NCR2: variants seen among roughly 807,000 people sequenced by gnomAD.
NCR2 encodes the protein natural cytotoxicity triggering receptor 2.
Under a neutral mutation model 30.7 loss-of-function variants are expected in NCR2, and 35 were observed. That is an observed-to-expected ratio of 1.14 (90% CI 0.87 to 1.51). The LOEUF (loss-of-function observed/expected upper bound fraction) is 1.51. NCR2 is among the 40% of genes most tolerant of loss of function. The pLI is 0.00. For missense variants in NCR2, 316 were observed against 328.9 expected, an observed-to-expected ratio of 0.96 and a Z score of 0.30; for synonymous variants, 146 against 134.8, an observed-to-expected ratio of 1.08 and a Z score of -0.58.
intron 2 of NCR2, among the ~76,000 whole-genome samples, chr6:41,340,364 G>T (rs1221687958): frequency 6.6e-6 from 1 of 151,884 alleles, no homozygotes; most frequent in Non-Finnish European, 1.5e-5. Context: ...GTCTCACCAT[G>T]TTGGCCAGGC....
chr6:41,340,604 G>A (rs1330504622), intron 2 of NCR2, among the ~76,000 whole-genome samples: 1 of 152,176 alleles, frequency 6.6e-6, no homozygotes, highest in Non-Finnish European at 1.5e-5. Context: ...GAGATGAGAC[G>A]AGTTAACTAA....
Position 41,337,471 on chromosome 6 carries a change from A to G in NCR2, c.394+1043A>G, listed in dbSNP as rs1769062235. Among the ~76,000 whole-genome samples the G allele has an allele frequency of 3.3e-5, 5 of 152,342 alleles. No individual in the cohort carries two copies. The South Asian group carries it at 1.0e-3, about 32-fold the overall frequency. ...TTGCAGTTCTCCATATTAAATGCCA[A>G]TATGCACCCTTCAAACAAACACCCT... On this transcript the variant is annotated intron_variant, in intron 2 of 4. Transcript: ENST00000373089.
chr6:41,336,292 C>T lies in NCR2; in HGVS notation c.258C>T (p.Asp86=). The change falls in exon 2 of 5, where the codon GAC becomes GAT. Residue 86 remains aspartate, a synonymous_variant. Transcript: ENST00000373089. ...CCTCTCGATTCACAATCTGGGACGA[C>T]CCTGATGCTGGCTTCTTCACTGTCA... is the stretch of plus-strand genomic sequence containing the variant. The part of the protein sequence containing the change: ...AWTSRFTIWD[D]PDAGFFTVTM... The T allele has an allele frequency of 6.2e-7, 1 of 1,614,116 alleles. No homozygotes were observed. The highest frequency in any genetic ancestry group is 8.5e-7 in the Non-Finnish European group (1 of 1,180,026).
intron 2 of NCR2, 40 bp from the exon 3 acceptor site, chr6:41,341,754 T>C: frequency 1.3e-6 from 2 of 1,573,284 alleles, no homozygotes; most frequent in Non-Finnish European, 1.7e-6. Flanking sequence ...ACAAGTGAGG[T>C]CTCCCACTCA....
chr6:41,337,872 T>G (rs898108967), intron 2 of NCR2, among the ~76,000 whole-genome samples: 3 of 152,340 alleles, frequency 2.0e-5, no homozygotes, highest in African/African-American at 7.2e-5. Context: ...ATATGGATTC[T>G]AGATCTATGA....
intron 2 of NCR2, among the ~76,000 whole-genome samples, chr6:41,340,347 A>G (rs1035206721): frequency 6.6e-6 from 1 of 151,898 alleles, no homozygotes; most frequent in Non-Finnish European, 1.5e-5. Flanking sequence ...ATTTTAGTAG[A>G]GACGTGGTCT....
Position 41,336,290 on chromosome 6 carries a change from G to A in NCR2, c.256G>A (p.Asp86Asn), listed in dbSNP as rs574138095. 2.5e-6 allele frequency: 4 copies of A among 1,614,100 alleles called. No homozygotes were observed. Among genetic ancestry groups the A allele is most frequent in the East Asian group, 2.2e-5 (1 of 44,878 alleles). ...AWTSRFTIWD[D>N]PDAGFFTVTM... ...GACCTCTCGATTCACAATCTGGGAC[G>A]ACCCTGATGCTGGCTTCTTCACTGT... Residue 86 changes from aspartate to asparagine, a missense_variant, in exon 2 of 5, where the codon GAC becomes AAC. Asp to Asn is a conservative substitution (Grantham distance 23). Transcript: ENST00000373089.
chr6:41,340,836 G>C (rs1769150530), intron 2 of NCR2, among the ~76,000 whole-genome samples: 1 of 152,218 alleles, frequency 6.6e-6, no homozygotes. Flanking sequence ...CAGCATCCTA[G>C]ACAGCCTCAG....
rs748411285 is a variant in NCR2 at position 41,350,726 on chromosome 6, C to T, written c.693C>T (p.Thr231=). ...KTMMELRSLD[T]QKATCHLQQV... is the part of the protein sequence containing the mutation. The stretch of plus-strand genomic sequence containing the variant: ...TGATGGAGCTCAGGAGCCTGGATAC[C>T]CAAAAAGCCACCTGCCACCTTCAAC... The change falls in exon 5 of 5, where the codon ACC becomes ACT. Residue 231 remains threonine (T), a synonymous_variant. Transcript: ENST00000373089. The T allele has an allele frequency of 1.2e-4, 200 of 1,613,954 alleles. 1 individual carries two copies. In the East Asian group the frequency reaches 1.4e-3, roughly 12 times the overall value.
intron 4 of NCR2, chr6:41,343,103 A>G: frequency 1.6e-6 from 2 of 1,274,346 alleles, no homozygotes; most frequent in Non-Finnish European, 2.2e-6. Context: ...ATCCGCAAAG[A>G]AAAGGCCAGG....
chr6:41,340,739 T>C (rs956830338), intron 2 of NCR2, among the ~76,000 whole-genome samples: 2 of 152,158 alleles, frequency 1.3e-5, no homozygotes, highest in African/African-American at 4.8e-5. Flanking sequence ...CACCAGGCCA[T>C]AGATGACACA....
chr6:41,350,658 G>A lies in NCR2; in HGVS notation c.645-20G>A. ...GTGGCAGTCTCTGACCACCTTCCTG[G>A]TTTCCTGCTCTGATTGCAGGGGGGA... On this transcript the variant is annotated intron_variant, in intron 4 of 4. Coordinates refer to ENST00000373089, the MANE Select transcript of NCR2 (RefSeq NM_004828.4). 6.2e-7 allele frequency: 1 copy of A among 1,607,112 alleles called. No individual in the cohort carries two copies. The highest frequency in any genetic ancestry group is 8.5e-7 in the Non-Finnish European group (1 of 1,177,044).
At position 41,342,262 on chromosome 6, in the gene NCR2, C is replaced by T. The variant is rs941954859; in HGVS notation, c.644+113C>T. 11 of 1,402,810 alleles carry T rather than the reference C, an allele frequency of 7.8e-6. No homozygotes were observed. In the African/African-American group the frequency reaches 1.6e-4, roughly 20 times the overall value. 86.9% of individuals were successfully genotyped at this position (1,402,810 alleles called of 1,614,324 possible). A position where few individuals can be genotyped will look rare whatever the true frequency, so the allele number is the denominator to read the frequency against. On this transcript the variant is annotated intron_variant, in intron 4 of 4. Coordinates refer to ENST00000373089, the MANE Select transcript of NCR2 (RefSeq NM_004828.4). ...GAACAGAGGTGGAAATTATAATCGG[C>T]AGAGCTCTCCAAATTAAAGCCCTCA...
chr6:41,347,680 G>A (rs909892600), intron 4 of NCR2, among the ~76,000 whole-genome samples: 9 of 152,192 alleles, frequency 5.9e-5, no homozygotes, highest in African/African-American at 1.4e-4. Flanking sequence ...GCCCCAAAAC[G>A]TAGTAGCTTA....
At chr6:41,339,683 C>T (rs1373000318) in intron 2 of NCR2, among the ~76,000 whole-genome samples, 4 of 152,250 alleles carry the variant, frequency 2.6e-5, no homozygotes, top group Non-Finnish European at 5.9e-5. Context: ...CTGCACCTGA[C>T]CCAACTCAAG....
In NCR2 at chr6:41,341,851, A is replaced by G; in HGVS notation, c.452A>G (p.Gln151Arg). The G allele has an allele frequency of 1.2e-6, 2 of 1,613,680 alleles. No individual in the cohort carries two copies. Among genetic ancestry groups the G allele is most frequent in the Non-Finnish European group, 1.7e-6 (2 of 1,179,974 alleles). Residue 151 changes from glutamine to arginine, a missense_variant, in exon 3 of 5, where the codon CAG (glutamine) becomes CGG (arginine). Coordinates refer to ENST00000373089, the MANE Select transcript of NCR2 (RefSeq NM_004828.4). ...CGCGACCTGGTCTCTTCACAGACCC[A>G]GACCCAGAGCTGTGTGCCTCCCACT... ...TPRDLVSSQTQTQSCVPPTAG... is the reference protein window; with the variant it reads ...TPRDLVSSQTRTQSCVPPTAG...
In NCR2 at chr6:41,350,794, A is replaced by G. The variant is rs928556722; in HGVS notation, c.761A>G (p.Glu254Gly). ...LPWTSVSSPV[E>G]REILYHTVAR... ...TGGACCTCAGTTTCCTCACCTGTAG[A>G]GAGAGAAATATTATATCACACTGTT... The change falls in exon 5 of 5, where the codon GAG (glutamate) becomes GGG (glycine). Residue 254 changes from glutamate (E) to glycine (G), a missense_variant. Transcript: ENST00000373089. 8 of 1,347,436 alleles carry G rather than the reference A, an allele frequency of 5.9e-6. No homozygotes were observed. The African/African-American group carries it at 8.6e-5, about 14-fold the overall frequency. The allele number at this position is 1,347,436 out of a possible 1,614,324, so 83.5% of individuals were successfully genotyped here.
intron 4 of NCR2, among the ~76,000 whole-genome samples, chr6:41,349,075 T>TTTTTA (rs201629231): frequency 0.026 from 3,897 of 147,408 alleles, 161 homozygotes; most frequent in African/African-American, 0.086. Context: ...GTTTATTATA[T>TTTTTA]TTTTAATATA....
intron 4 of NCR2, among the ~76,000 whole-genome samples, chr6:41,347,081 G>C (rs1581665551): frequency 6.6e-6 from 1 of 152,166 alleles, no homozygotes; most frequent in African/African-American, 2.4e-5. Context: ...CGAGCATGGA[G>C]GTGCGTACTT....
Sources: allele counts gnomAD v4.1 joint callset (sites outside exome capture counted in the v4.1 genomes callset), GRCh38; gene constraint gnomAD v4.1.1; transcripts MANE v1.5; gene names NCBI Gene and HGNC (gene_info 2026-07-23, HGNC 2026-07-21).